EDEM3: variants seen among roughly 807,000 people sequenced by gnomAD.
The protein encoded by EDEM3 is ER degradation enhancing alpha-mannosidase like protein 3.
Under a neutral mutation model 110.2 loss-of-function variants are expected in EDEM3, and 60 were observed. The ratio of observed to expected loss-of-function variants is 0.54; its 90% CI spans 0.44 to 0.67. The LOEUF (loss-of-function observed/expected upper bound fraction) is 0.67. Ranked by LOEUF, EDEM3 falls within the 30% of genes least tolerant of loss-of-function variation. EDEM3 has a pLI of 0.00. For synonymous variants in EDEM3, 352 were observed against 382.9 expected, an observed-to-expected ratio of 0.92 and a Z score of 0.94; for missense variants, 996 against 1,121.0, an observed-to-expected ratio of 0.89 and a Z score of 1.59.
At chr1:184,705,261 T>A (rs1649854163) in intron 18 of EDEM3, among the ~76,000 whole-genome samples, 1 of 152,248 alleles carries the variant, frequency 6.6e-6, no homozygotes, top group African/African-American at 2.4e-5. Flanking sequence ...AAAATGATAG[T>A]GATGGTTAAT....
At chr1:184,695,209 T>C (rs1571339303) in intron 19 of EDEM3, among the ~76,000 whole-genome samples, 1 of 152,048 alleles carries the variant, frequency 6.6e-6, no homozygotes, top group African/African-American at 2.4e-5. Context: ...GACGCCTACA[T>C]GCTACATCCT....
At chr1:184,751,756 T>C (rs1225717645) in intron 1 of EDEM3, among the ~76,000 whole-genome samples, 1 of 152,238 alleles carries the variant, frequency 6.6e-6, no homozygotes, top group East Asian at 1.9e-4. Flanking sequence ...GTAAGTCGGC[T>C]TTTTCTCTTT....
At chr1:184,695,332 T>C (rs765388768) in intron 19 of EDEM3, among the ~76,000 whole-genome samples, 4 of 152,040 alleles carry the variant, frequency 2.6e-5, no homozygotes, top group Non-Finnish European at 5.9e-5. Context: ...CCTGCCCTTA[T>C]GGGTCTTATA....
chr1:184,730,969 G>A (rs937181346), intron 6 of EDEM3, among the ~76,000 whole-genome samples: 1 of 151,870 alleles, frequency 6.6e-6, no homozygotes, highest in Non-Finnish European at 1.5e-5. Context: ...ATGTCAGAAA[G>A]TCTACTGCCA....
intron 1 of EDEM3, among the ~76,000 whole-genome samples, chr1:184,752,443 T>C (rs573909362): frequency 6.6e-6 from 1 of 152,294 alleles, no homozygotes; most frequent in East Asian, 1.9e-4. Flanking sequence ...AGTCATATAA[T>C]TGTGTATTTG....
chr1:184,692,435 C>T lies in EDEM3; in HGVS notation c.*1628G>A, dbSNP rs1467338006. 1.3e-5 allele frequency: 2 copies of T among 152,064 alleles called. No individual in the cohort carries two copies. Among genetic ancestry groups the T allele is most frequent in the African/African-American group, 2.4e-5 (1 of 41,418 alleles). 9.4% of individuals were successfully genotyped at this position (152,064 alleles called of 1,614,324 possible). A position where few individuals can be genotyped will look rare whatever the true frequency, so the allele number is the denominator to read the frequency against. ...TATATTTACCTGGAATATCTGAATG[C>T]AGGTATTTATCCTCTCAGAAAAGAA... On this transcript the variant is annotated 3_prime_UTR_variant, in exon 20 of 20. Transcript: ENST00000318130.
intron 16 of EDEM3, 118 bp from the exon 17 acceptor site, chr1:184,708,462 G>T: frequency 1.0e-6 from 1 of 972,500 alleles, no homozygotes; most frequent in Middle Eastern, 2.5e-4. Flanking sequence ...TTCACTTTAG[G>T]TCACCACCAA....
intron 19 of EDEM3, among the ~76,000 whole-genome samples, chr1:184,696,142 C>T (rs899361714): frequency 3.3e-5 from 5 of 151,882 alleles, no homozygotes; most frequent in Non-Finnish European, 7.4e-5. Context: ...AAAAATGAGC[C>T]ATCAGAGAAG....
chr1:184,704,540 A>G (rs1649803495), intron 18 of EDEM3, among the ~76,000 whole-genome samples: 1 of 148,230 alleles, frequency 6.7e-6, no homozygotes. Flanking sequence ...AATCCCAGCT[A>G]CTCAGGAGGC....
chr1:184,724,043 CA>C, intron 7 of EDEM3, among the ~76,000 whole-genome samples, 187 bp from the exon 8 acceptor site: 1 of 151,842 alleles, frequency 6.6e-6, no homozygotes, highest in Non-Finnish European at 1.5e-5. Context: ...CTTTTTCAAC[CA>C]ATCAGTGTAG....
rs557485599 is a variant in EDEM3 at position 184,754,825 on chromosome 1, C to T, written c.-179G>A. On this transcript the variant is annotated 5_prime_UTR_variant, in exon 1 of 20. Transcript: ENST00000318130. Reference sequence around the variant, plus strand: ...ACCAAGCCGGTCCCCAGCGCCAGCGCTGCCACCGCCCTCCGCCCTCAGTAT... The same window carrying T: ...ACCAAGCCGGTCCCCAGCGCCAGCGTTGCCACCGCCCTCCGCCCTCAGTAT... 7.8e-6 allele frequency: 8 copies of T among 1,029,024 alleles called. No homozygotes were observed. The highest frequency in any genetic ancestry group is 1.8e-5 in the South Asian group (1 of 54,466). 63.7% of individuals were successfully genotyped at this position (1,029,024 alleles called of 1,614,324 possible).
Position 184,719,424 on chromosome 1 carries a change from A to G in EDEM3, c.1077+19T>C. 1.2e-6 allele frequency: 2 copies of G among 1,603,832 alleles called. No individual in the cohort carries two copies. The highest frequency in any genetic ancestry group is 2.3e-5 in the South Asian group (2 of 88,558). On this transcript the variant is annotated intron_variant, in intron 10 of 19. Coordinates refer to ENST00000318130, the MANE Select transcript of EDEM3 (RefSeq NM_025191.4). ...ATCATCATCTTACATTCATATTAAG[A>G]AGACAGAATTCTTTATACCTGCAAG...
chr1:184,706,510 C>A, intron 18 of EDEM3, 133 bp downstream of exon 18: 1 of 671,660 alleles, frequency 1.5e-6, no homozygotes, highest in Non-Finnish European at 2.3e-6. Flanking sequence ...CATTGGATTA[C>A]CTATCCTTGT....
rs1447384593 is a variant in EDEM3 at position 184,716,901 on chromosome 1, T to G, written c.1357A>C (p.Ser453Arg). ...FAAMKDVRTG[S>R]HEDRMDSFFL... ...CAATTGTTTTACCTGTCCTCATGAC[T>G]TCCAGTACGAACATCCTTCATGGCA... The change falls in exon 13 of 20, where the codon AGT (serine) becomes CGT (arginine). Residue 453 changes from serine to arginine, a missense_variant. By Grantham distance (110) the Ser-to-Arg change is moderately radical. Coordinates refer to ENST00000318130, the MANE Select transcript of EDEM3 (RefSeq NM_025191.4). The G allele has an allele frequency of 6.2e-7, 1 of 1,613,222 alleles. No homozygotes were observed. The highest frequency in any genetic ancestry group is 2.2e-5 in the East Asian group (1 of 44,850).
chr1:184,697,404 G>A (rs1285080808), intron 19 of EDEM3, among the ~76,000 whole-genome samples: 2 of 151,864 alleles, frequency 1.3e-5, no homozygotes, highest in Non-Finnish European at 2.9e-5. Flanking sequence ...AACAGCATAT[G>A]TCAAAGAGAA....
chr1:184,714,092 A>G (rs1243265235), intron 13 of EDEM3, among the ~76,000 whole-genome samples: 1 of 152,224 alleles, frequency 6.6e-6, no homozygotes, highest in African/African-American at 2.4e-5. Context: ...ATGGACTGAC[A>G]GTTATTACAT....
Position 184,754,770 on chromosome 1 carries a change from G to A in EDEM3, c.-124C>T. 7.3e-7 allele frequency: 1 copy of A among 1,365,210 alleles called. No individual in the cohort carries two copies. Among genetic ancestry groups the A allele is most frequent in the Non-Finnish European group, 9.5e-7 (1 of 1,055,902 alleles). The allele number at this position is 1,365,210 out of a possible 1,614,324, so 84.6% of individuals were successfully genotyped here. A position where few individuals can be genotyped will look rare whatever the true frequency, so the allele number is the denominator to read the frequency against. On this transcript the variant is annotated 5_prime_UTR_variant, in exon 1 of 20. Coordinates refer to ENST00000318130, the MANE Select transcript of EDEM3 (RefSeq NM_025191.4). ...GGCGGGATGCGGAGTAACACGGACG[G>A]CCGCCGGCGCCAAACTGTTTCCCGA...
chr1:184,703,825 C>A (rs974529514), intron 18 of EDEM3, among the ~76,000 whole-genome samples: 1 of 152,156 alleles, frequency 6.6e-6, no homozygotes, highest in African/African-American at 2.4e-5. Flanking sequence ...CTGGAACTGG[C>A]ACACAGAAAG....
chr1:184,713,085 G>A (rs993914843), intron 13 of EDEM3, among the ~76,000 whole-genome samples: 3 of 152,054 alleles, frequency 2.0e-5, no homozygotes, highest in African/African-American at 7.2e-5. Context: ...GGCCAACATG[G>A]TGAAACCCCG....
Sources: allele counts gnomAD v4.1 joint callset (sites outside exome capture counted in the v4.1 genomes callset), GRCh38; gene constraint gnomAD v4.1.1; transcripts MANE v1.5; gene names NCBI Gene and HGNC (gene_info 2026-07-23, HGNC 2026-07-21).